The following PIWIL1 variants were observed in gnomAD, a reference collection of about 807,000 sequenced individuals.
PIWIL1 encodes piwi like RNA-mediated gene silencing 1.
Under a neutral mutation model 114.4 loss-of-function variants are expected in PIWIL1, and 73 were observed. That is an observed-to-expected ratio of 0.64 (90% CI 0.53 to 0.78). The LOEUF is 0.78. PIWIL1 is among the 30% of genes least tolerant of loss of function. The probability of loss-of-function intolerance (pLI) is 0.00; values close to 1 mark genes in which losing one functional copy is unlikely to be tolerated. For missense variants in PIWIL1, 723 were observed against 1,063.1 expected, an observed-to-expected ratio of 0.68 and a Z score of 4.45; for synonymous variants, 375 against 369.0, an observed-to-expected ratio of 1.02 and a Z score of -0.19.
At chr12:130,344,593 C>CTAGAGAG (rs2136130495) in intron 3 of PIWIL1, among the ~76,000 whole-genome samples, 1 of 152,272 alleles carries the variant, frequency 6.6e-6, no homozygotes, top group African/African-American at 2.4e-5. Context: ...CTAAGGAAGT[C>CTAGAGAG]TAGAGAGTAG....
chr12:130,387,901 AT>A, the PIWIL1 span, among the ~76,000 whole-genome samples: 1 of 152,226 alleles, frequency 6.6e-6, no homozygotes, highest in Non-Finnish European at 1.5e-5. Context: ...TTTTTCTTTT[AT>A]AGACAGAGTT....
chr12:130,376,359 C>G (rs187087164), downstream of PIWIL1, among the ~76,000 whole-genome samples: 43 of 152,342 alleles, frequency 2.8e-4, no homozygotes, highest in Non-Finnish European at 5.3e-4. Flanking sequence ...GACGTGTAGC[C>G]TCTGGAAAAC....
At chr12:130,418,709 T>G in the PIWIL1 span, among the ~76,000 whole-genome samples, 1 of 152,156 alleles carries the variant, frequency 6.6e-6, no homozygotes, top group South Asian at 2.1e-4. Flanking sequence ...TTGGGTGTGG[T>G]CAACATACCC....
In PIWIL1 at chr12:130,367,122, T is replaced by C; in HGVS notation, c.2196-11T>C. On this transcript the variant is annotated splice_polypyrimidine_tract_variant and intron_variant, in intron 18 of 20. Coordinates refer to ENST00000245255, the MANE Select transcript of PIWIL1 (RefSeq NM_004764.5). ...TGGCTAAATGCAGTTACATTCATCA[T>C]CATTTTTAAGCCCTAGACTAACGGT... 6 of 1,613,378 alleles carry C rather than the reference T, an allele frequency of 3.7e-6. No individual in the cohort carries two copies. Among genetic ancestry groups the C allele is most frequent in the Non-Finnish European group, 5.1e-6 (6 of 1,179,648 alleles).
At chr12:130,397,278 T>G in the PIWIL1 span, 1 of 397,228 alleles carries the variant, frequency 2.5e-6, no homozygotes, top group Non-Finnish European at 4.4e-6. Context: ...TGGGTTTTTT[T>G]AGGAAGTACT....
chr12:130,338,401 A>T (rs796428638), intron 1 of PIWIL1, among the ~76,000 whole-genome samples: 4 of 12,192 alleles, frequency 3.3e-4, no homozygotes, highest in Non-Finnish European at 7.4e-4. Context: ...CCCAGGTGCA[A>T]GGGATGCAGG....
At chr12:130,385,516 G>A in the PIWIL1 span, among the ~76,000 whole-genome samples, 1 of 152,158 alleles carries the variant, frequency 6.6e-6, no homozygotes, top group Non-Finnish European at 1.5e-5. Context: ...CTTAATGTAA[G>A]TACTGCTTTA....
the PIWIL1 span, among the ~76,000 whole-genome samples, chr12:130,408,977 G>A: frequency 6.7e-6 from 1 of 149,468 alleles, no homozygotes; most frequent in Admixed American, 6.6e-5. Flanking sequence ...ACGCCTCTGT[G>A]CACATGTGTC....
chr12:130,423,543 C>G, the PIWIL1 span, among the ~76,000 whole-genome samples: 1 of 151,358 alleles, frequency 6.6e-6, no homozygotes, highest in South Asian at 2.1e-4. Context: ...AAACCAACAA[C>G]AAGCCCAGAC....
the PIWIL1 span, among the ~76,000 whole-genome samples, chr12:130,377,974 T>G: frequency 7.2e-5 from 11 of 152,240 alleles, no homozygotes; most frequent in Admixed American, 7.2e-4. Context: ...CTATTCTCCC[T>G]GACCCAACTT....
chr12:130,425,108 C>T, the PIWIL1 span: 1 of 364,500 alleles, frequency 2.7e-6, no homozygotes, highest in Admixed American at 4.7e-5. Context: ...GGGCAGGAGC[C>T]AGCGCCATGC....
the PIWIL1 span, among the ~76,000 whole-genome samples, chr12:130,423,858 C>G: frequency 6.6e-6 from 1 of 152,072 alleles, no homozygotes; most frequent in Non-Finnish European, 1.5e-5. Context: ...TCAGCTAACC[C>G]TTAATTAAAA....
the PIWIL1 span, among the ~76,000 whole-genome samples, chr12:130,423,319 G>C: frequency 1.3e-5 from 2 of 152,212 alleles, no homozygotes; most frequent in African/African-American, 4.8e-5. Flanking sequence ...GGGAGGCTGC[G>C]GGCTGCCGTG....
chr12:130,400,881 A>C, the PIWIL1 span, among the ~76,000 whole-genome samples: 1 of 152,250 alleles, frequency 6.6e-6, no homozygotes, highest in African/African-American at 2.4e-5. Flanking sequence ...AAAACCATGT[A>C]GTACCACCTC....
At chr12:130,356,395 C>T (rs906178557) in intron 12 of PIWIL1, among the ~76,000 whole-genome samples, 39 of 151,782 alleles carry the variant, frequency 2.6e-4, no homozygotes, top group East Asian at 1.6e-3. Context: ...CTATCCCCTG[C>T]GTGAGGCCAG....
chr12:130,400,287 T>TAAG, the PIWIL1 span, among the ~76,000 whole-genome samples: 3 of 152,206 alleles, frequency 2.0e-5, no homozygotes, highest in African/African-American at 7.2e-5. Flanking sequence ...TACTCAGCCT[T>TAAG]AAGACTGTCC....
the PIWIL1 span, among the ~76,000 whole-genome samples, chr12:130,390,868 G>A: frequency 6.6e-6 from 1 of 152,144 alleles, no homozygotes; most frequent in Non-Finnish European, 1.5e-5. Flanking sequence ...CCTGGTCGTT[G>A]TCTCTCACCT....
intron 3 of PIWIL1, among the ~76,000 whole-genome samples, chr12:130,344,279 A>C (rs2073008395): frequency 6.6e-6 from 1 of 152,160 alleles, no homozygotes; most frequent in Non-Finnish European, 1.5e-5. Context: ...GATTTAGTGT[A>C]GTTACTCACC....
chr12:130,392,590 T>G, the PIWIL1 span, among the ~76,000 whole-genome samples: 18 of 127,838 alleles, frequency 1.4e-4, 1 homozygote, highest in African/African-American at 5.5e-4. Flanking sequence ...TATTGAATGT[T>G]GTGAGGACCC....
Sources: allele counts gnomAD v4.1 joint callset (sites outside exome capture counted in the v4.1 genomes callset), GRCh38; gene constraint gnomAD v4.1.1; transcripts MANE v1.5; gene names NCBI Gene and HGNC (gene_info 2026-07-23, HGNC 2026-07-21).